Variants in TNS3 observed in about 807,000 individuals in gnomAD.
The protein encoded by TNS3 is tensin 3.
TNS3 carries 45 observed loss-of-function variants against 140.9 expected under a neutral mutation model. The observed-to-expected ratio is 0.32, with a 90% CI of 0.25 to 0.41. TNS3 has a LOEUF of 0.41. TNS3 is among the 10% of genes least tolerant of loss of function. The pLI, the probability that TNS3 is intolerant of heterozygous loss-of-function variation, is 1.00. For missense variants in TNS3, 1,716 were observed against 1,906.7 expected (o/e 0.90, Z 1.86); for synonymous variants, 815 against 788.4 (o/e 1.03, Z -0.56).
intron 1 of TNS3, among the ~76,000 whole-genome samples, chr7:47,548,672 G>A (rs535198516): frequency 2.0e-5 from 3 of 152,108 alleles, no homozygotes; most frequent in African/African-American, 4.8e-5. Flanking sequence ...CCTGGGCTCC[G>A]ACCTGCAGGT....
chr7:47,287,890 C>A (rs1025274948), intron 27 of TNS3, among the ~76,000 whole-genome samples: 1 of 152,104 alleles, frequency 6.6e-6, no homozygotes, highest in Non-Finnish European at 1.5e-5. Context: ...AGAAGACCCA[C>A]CCTTAAAAAA....
intron 6 of TNS3, among the ~76,000 whole-genome samples, chr7:47,437,720 C>G (rs1337703247): frequency 8.5e-5 from 12 of 141,596 alleles, no homozygotes; most frequent in African/African-American, 3.2e-4. Flanking sequence ...ATTCTCATGG[C>G]TACAAAATAT....
intron 2 of TNS3, among the ~76,000 whole-genome samples, chr7:47,525,117 T>C (rs1283550717): frequency 6.6e-6 from 1 of 152,172 alleles, no homozygotes; most frequent in Non-Finnish European, 1.5e-5. Flanking sequence ...CAGGAGATAA[T>C]GCTGCACGAG....
Position 47,475,535 on chromosome 7 carries a change from G to A in TNS3, c.-76+5568C>T, listed in dbSNP as rs902659308. ...TCTGTAAACAGGCGGCACTTCCCCG[G>A]GGGGGGGGCCAGGCCCTCCCTGGAC... On this transcript the variant is annotated intron_variant, in intron 4 of 30. Transcript: ENST00000311160. Among the ~76,000 whole-genome samples, 4 of 2,406 alleles carry A rather than the reference G, an allele frequency of 1.7e-3. No homozygotes were observed. In the Non-Finnish European group the frequency reaches 0.11, roughly 67 times the overall value. 1.6% of individuals were successfully genotyped at this position (2,406 alleles called of 152,430 possible). A position where few individuals can be genotyped will look rare whatever the true frequency, so the allele number is the denominator to read the frequency against.
chr7:47,532,070 C>A (rs968328056), intron 1 of TNS3, among the ~76,000 whole-genome samples: 2 of 152,186 alleles, frequency 1.3e-5, no homozygotes, highest in African/African-American at 4.8e-5. Context: ...GAAGCCCCCC[C>A]CCGCCCACCA....
chr7:47,436,583 G>T (rs1795192159), intron 7 of TNS3, among the ~76,000 whole-genome samples: 2 of 151,870 alleles, frequency 1.3e-5, no homozygotes, highest in South Asian at 4.2e-4. Flanking sequence ...CTGTATCCCA[G>T]AACTTAAAGT....
chr7:47,294,050 G>A (rs557643770), intron 24 of TNS3, among the ~76,000 whole-genome samples: 17 of 152,300 alleles, frequency 1.1e-4, no homozygotes, highest in African/African-American at 3.4e-4. Flanking sequence ...GATACAGGGC[G>A]GGAACCCTTG....
chr7:47,372,295 C>T (rs572883285), intron 16 of TNS3, among the ~76,000 whole-genome samples: 79 of 152,322 alleles, frequency 5.2e-4, no homozygotes, highest in African/African-American at 1.6e-3. Context: ...TTTCACGCTG[C>T]TAAGTCTATA....
intron 15 of TNS3, among the ~76,000 whole-genome samples, chr7:47,398,227 T>G (rs1329223710): frequency 1.3e-5 from 2 of 152,038 alleles, no homozygotes; most frequent in East Asian, 3.9e-4. Flanking sequence ...AATTCTACCA[T>G]CCATTCAAAG....
chr7:47,339,822 G>A (rs913728919), intron 20 of TNS3, among the ~76,000 whole-genome samples: 3 of 151,992 alleles, frequency 2.0e-5, no homozygotes, highest in African/African-American at 7.2e-5. Context: ...CATGAAAACA[G>A]TATGTCTCCC....
Position 47,495,922 on chromosome 7 carries a change from C to T in TNS3, c.-115+10985G>A, listed in dbSNP as rs1439078002. Among the ~76,000 whole-genome samples the T allele has an allele frequency of 2.0e-5, 3 of 152,282 alleles. No homozygotes were observed. In the South Asian group the frequency reaches 6.2e-4, roughly 32 times the overall value. Reference sequence around the variant, plus strand: ...ACAGACCACTCAGGAGAGCAGTGGACGAAACCACACACATTATGACAAGTG... The same window carrying T: ...ACAGACCACTCAGGAGAGCAGTGGATGAAACCACACACATTATGACAAGTG... On this transcript the variant is annotated intron_variant, in intron 3 of 30. Coordinates refer to ENST00000311160, the MANE Select transcript of TNS3 (RefSeq NM_022748.12).
chr7:47,435,523 G>C, intron 7 of TNS3, 119 bp from the exon 8 acceptor site: 1 of 1,441,440 alleles, frequency 6.9e-7, no homozygotes, highest in Non-Finnish European at 9.5e-7. Flanking sequence ...CATGCTGGGT[G>C]ACCCTTTCCT....
intron 13 of TNS3, among the ~76,000 whole-genome samples, chr7:47,404,282 C>G (rs184007450): frequency 5.3e-5 from 8 of 152,246 alleles, no homozygotes; most frequent in African/African-American, 1.4e-4. Flanking sequence ...AAAGTTGCAG[C>G]CTCTTTAGAC....
chr7:47,468,338 G>A (rs978167109), intron 4 of TNS3, among the ~76,000 whole-genome samples: 1 of 152,146 alleles, frequency 6.6e-6, no homozygotes, highest in African/African-American at 2.4e-5. Flanking sequence ...CTACTCGGGA[G>A]GCTGAGGCAT....
At chr7:47,331,225 C>A (rs1389239787) in intron 20 of TNS3, among the ~76,000 whole-genome samples, 2 of 152,124 alleles carry the variant, frequency 1.3e-5, no homozygotes, top group African/African-American at 2.4e-5. Context: ...CAGGCTCTGC[C>A]CCAATAAAAC....
intron 4 of TNS3, among the ~76,000 whole-genome samples, chr7:47,474,146 A>AC (rs397700416): frequency 8.5e-5 from 11 of 129,044 alleles, no homozygotes; most frequent in South Asian, 2.5e-4. Context: ...ACACACACAC[A>AC]ACACACATAA....
chr7:47,408,459 T>A (rs1306058405), intron 13 of TNS3, among the ~76,000 whole-genome samples: 3 of 143,806 alleles, frequency 2.1e-5, no homozygotes, highest in African/African-American at 7.5e-5. Context: ...AGAGGGCCTA[T>A]GGGGTGGGTG....
chr7:47,568,132 C>G (rs578141406), intron 1 of TNS3, among the ~76,000 whole-genome samples: 174 of 152,238 alleles, frequency 1.1e-3, no homozygotes, highest in African/African-American at 3.7e-3. Context: ...GCACAGGGAG[C>G]CCCATTTTTC....
chr7:47,389,058 A>C lies in TNS3; in HGVS notation c.1024+7742T>G, dbSNP rs1426769644. On this transcript the variant is annotated intron_variant, in intron 16 of 30. Transcript: ENST00000311160. The stretch of plus-strand genomic sequence containing the variant: ...GAAGAAGAAGAAGAAGAAGAAGAAG[A>C]AGAAGAAGAAGAAGAAGAAGAAGAA... 1.3e-3 allele frequency among the ~76,000 whole-genome samples: 83 copies of C among 63,906 alleles called. 10 individuals are homozygous for C. The highest frequency in any genetic ancestry group is 6.0e-3 in the African/African-American group (81 of 13,506). The allele number at this position is 63,906 out of a possible 152,430, so 41.9% of individuals were successfully genotyped here.
Sources: gnomAD v4.1 joint callset for allele counts (sites outside exome capture counted in the v4.1 genomes callset) on GRCh38, gnomAD v4.1.1 for gene constraint, MANE v1.5 for transcripts, NCBI Gene and HGNC (gene_info 2026-07-23, HGNC 2026-07-21) for gene names.